The following INTS2 variants were observed in gnomAD, a reference collection of about 807,000 sequenced individuals.
The protein encoded by INTS2 is integrator complex subunit 2.
A neutral mutation model predicts 139.6 loss-of-function variants in INTS2; 57 were observed. That is an observed-to-expected ratio of 0.41 (90% CI 0.33 to 0.51). The LOEUF (loss-of-function observed/expected upper bound fraction) is 0.51, where lower values mean the gene tolerates loss of function less well. Ranked by LOEUF, INTS2 falls within the 20% of genes least tolerant of loss-of-function variation. The pLI is 0.28. For missense variants in INTS2, 1,196 were observed against 1,436.7 expected, an observed-to-expected ratio of 0.83 and a Z score of 2.71; for synonymous variants, 473 against 493.4, an observed-to-expected ratio of 0.96 and a Z score of 0.55.
At chr17:61,878,183 A>C in intron 17 of INTS2, 95 bp from the exon 18 acceptor site, 1 of 732,916 alleles carries the variant, frequency 1.4e-6, no homozygotes, top group Non-Finnish European at 2.3e-6. Context: ...CAAACAAATC[A>C]AGAAAACAAT....
intron 6 of INTS2, 75 bp downstream of exon 6, chr17:61,911,865 C>A: frequency 1.3e-6 from 2 of 1,524,424 alleles, no homozygotes; most frequent in Non-Finnish European, 1.8e-6. Context: ...CTCTACAGGA[C>A]TCTAAAACCA....
chr17:61,911,985 C>G lies in INTS2; in HGVS notation c.735G>C (p.Leu245Phe). The change falls in exon 6 of 25, where the codon TTG (leucine) becomes TTC (phenylalanine). Residue 245 changes from leucine (L) to phenylalanine (F), a missense_variant. By Grantham distance (22) the Leu-to-Phe change is conservative. This residue lies in a region of INTS2 where 1,129 missense variants were observed against 1,341.9 expected (regional missense o/e 0.84). Transcript: ENST00000251334. Reference sequence around the variant, plus strand: ...GGGCCTGAGAAGGATTCATTTTACACAAGAAGCGTAAGGCATCTGTCCTGC... The same window carrying G: ...GGGCCTGAGAAGGATTCATTTTACAGAAGAAGCGTAAGGCATCTGTCCTGC... ...GRRRTDALRFLCKMNPSQALK... is the reference protein window; with the variant it reads ...GRRRTDALRFFCKMNPSQALK... The G allele has an allele frequency of 6.2e-7, 1 of 1,613,784 alleles. No individual in the cohort carries two copies.
In INTS2 at chr17:61,893,312, T is replaced by C. The variant is rs1052053754; in HGVS notation, c.1698+453A>G. On this transcript the variant is annotated intron_variant, in intron 13 of 24. Transcript: ENST00000251334. This position sits in a 1 kb window ranked among gnomAD's most constrained non-coding sequence, Gnocchi z 5.4. ...ATAAATGACTAGTAACTTAGCTTAA[T>C]ACCACACATTTCCTACACAAAACCC... 2.6e-5 allele frequency among the ~76,000 whole-genome samples: 4 copies of C among 152,142 alleles called. No homozygotes were observed. The highest frequency in any genetic ancestry group is 5.9e-5 in the Non-Finnish European group (4 of 68,036).
intron 7 of INTS2, among the ~76,000 whole-genome samples, chr17:61,908,463 G>C (rs2079489658): frequency 6.6e-6 from 1 of 152,112 alleles, no homozygotes; most frequent in South Asian, 2.1e-4. Context: ...CAGTTCTTCA[G>C]GCAGGGACAA....
chr17:61,882,602 G>A lies in INTS2; in HGVS notation c.2090-1431C>T, dbSNP rs545256438. ...AAATTAGCCAGGCGTGGTGGCACAC[G>A]CCTGTAATCCTGGCTACTTGGGAGG... On this transcript the variant is annotated intron_variant, in intron 16 of 24. Transcript: ENST00000251334. The surrounding 1 kb of genome is among the most constrained non-coding windows in gnomAD (Gnocchi z 4.7). Among the ~76,000 whole-genome samples, 235 of 152,218 alleles carry A rather than the reference G, an allele frequency of 1.5e-3. 1 individual carries two copies. Among genetic ancestry groups the A allele is most frequent in the Middle Eastern group, 0.01 (3 of 294 alleles).
In INTS2 at chr17:61,866,389, G is replaced by A. The variant is rs994820852; in HGVS notation, c.*1168C>T. 2.6e-5 allele frequency: 4 copies of A among 151,574 alleles called. No homozygotes were observed. Among genetic ancestry groups the A allele is most frequent in the Admixed American group, 6.6e-5 (1 of 15,208 alleles). The allele number at this position is 151,574 out of a possible 1,614,324, so 9.4% of individuals were successfully genotyped here. On this transcript the variant is annotated 3_prime_UTR_variant, in exon 25 of 25. Transcript: ENST00000251334. Reference sequence around the variant, plus strand: ...AAAAAAAAAAAACACAAGTGAAGAGGTCTGTTTCAAGTGGGGGTGGGGAAG... The same window carrying A: ...AAAAAAAAAAAACACAAGTGAAGAGATCTGTTTCAAGTGGGGGTGGGGAAG...
Position 61,878,097 on chromosome 17 carries a change from A to G in INTS2, c.2255-9T>C. ...TGGGACAGCTGAAAATGCTAAAAAGAAAATTTAGCAATCATAACCTAAATT... is the reference window on the plus strand; with the variant it reads ...TGGGACAGCTGAAAATGCTAAAAAGGAAATTTAGCAATCATAACCTAAATT... On this transcript the variant is annotated splice_polypyrimidine_tract_variant and intron_variant, in intron 17 of 24. Coordinates refer to ENST00000251334, the MANE Select transcript of INTS2 (RefSeq NM_001351695.2). The G allele has an allele frequency of 1.3e-6, 2 of 1,556,830 alleles. No individual in the cohort carries two copies. Among genetic ancestry groups the G allele is most frequent in the Non-Finnish European group, 1.8e-6 (2 of 1,127,958 alleles).
chr17:61,897,520 G>A lies in INTS2; in HGVS notation c.1443C>T (p.Ser481=), dbSNP rs1349512407. Residue 481 remains serine, a synonymous_variant, in exon 11 of 25, where the codon AGC becomes AGT. Transcript: ENST00000251334. The surrounding 1 kb of genome is among the most constrained non-coding windows in gnomAD (Gnocchi z 4.4). ...AGTCAATGATAGCACTAAGCTGGTT[G>A]CTGTGAAAGTACATAGCCACCAATA... ...MLLLVAMYFH[S]NQLSAIIDLV... is the part of the protein sequence containing the mutation. The A allele has an allele frequency of 6.2e-7, 1 of 1,604,886 alleles. No individual in the cohort carries two copies. Among genetic ancestry groups the A allele is most frequent in the East Asian group, 2.2e-5 (1 of 44,682 alleles).
Position 61,875,486 on chromosome 17 carries a change from A to G in INTS2, c.2457-448T>C, listed in dbSNP as rs909861472. Among the ~76,000 whole-genome samples, 2 of 152,218 alleles carry G rather than the reference A, an allele frequency of 1.3e-5. No homozygotes were observed. The highest frequency in any genetic ancestry group is 1.9e-4 in the East Asian group (1 of 5,200). On this transcript the variant is annotated intron_variant, in intron 18 of 24. Transcript: ENST00000251334. This position sits in a 1 kb window ranked among gnomAD's most constrained non-coding sequence, Gnocchi z 4.6. The stretch of plus-strand genomic sequence containing the variant: ...GTCACTATTCTGGATTTATCATCAT[A>G]AAGTCTCCAAGTGAGATGCCACTTT...
Position 61,927,660 on chromosome 17 carries a change from A to T in INTS2, c.-25T>A. 5.0e-6 allele frequency: 7 copies of T among 1,404,132 alleles called. No homozygotes were observed. Among genetic ancestry groups the T allele is most frequent in the Non-Finnish European group, 6.5e-6 (7 of 1,081,306 alleles). 87.0% of individuals were successfully genotyped at this position (1,404,132 alleles called of 1,614,324 possible). A position where few individuals can be genotyped will look rare whatever the true frequency, so the allele number is the denominator to read the frequency against. ...AGAAGCGGACGCTTCATACCTTAAG[A>T]TCTACCCTCCAGCCTCACGGAACCG... is the stretch of plus-strand genomic sequence containing the variant. On this transcript the variant is annotated 5_prime_UTR_variant, in exon 1 of 25. Transcript: ENST00000251334.
chr17:61,885,108 A>C (rs1484039269), intron 15 of INTS2, 103 bp from the exon 16 acceptor site: 1 of 744,644 alleles, frequency 1.3e-6, no homozygotes, highest in Non-Finnish European at 2.2e-6. Flanking sequence ...ATTACTTTTA[A>C]TGCAATTAAC....
At chr17:61,892,676 G>C (rs2079307091) in intron 13 of INTS2, among the ~76,000 whole-genome samples, 2 of 151,870 alleles carry the variant, frequency 1.3e-5, no homozygotes, top group Non-Finnish European at 1.5e-5. Flanking sequence ...CAGGCACGGT[G>C]GTTCATGCCT....
chr17:61,924,003 A>G (rs1430498400), intron 3 of INTS2, among the ~76,000 whole-genome samples: 1 of 152,220 alleles, frequency 6.6e-6, no homozygotes, highest in East Asian at 1.9e-4. Flanking sequence ...TTTTAAATTC[A>G]GAGTTTCAAT....
chr17:61,892,953 CAAAAAAAAAAAA>C (rs58426330), intron 13 of INTS2, among the ~76,000 whole-genome samples: 1 of 44,150 alleles, frequency 2.3e-5, no homozygotes, highest in Non-Finnish European at 3.8e-5. Context: ...GACTCCATCT[CAAAAAAAAAAAA>C]AAAAAAAAAA....
Position 61,867,653 on chromosome 17 carries a change from G to A in INTS2, c.3495C>T (p.Ser1165=). The A allele has an allele frequency of 1.2e-6, 2 of 1,612,290 alleles. No homozygotes were observed. The highest frequency in any genetic ancestry group is 1.7e-6 in the Non-Finnish European group (2 of 1,178,618). Reference sequence around the variant, plus strand: ...CAGGATCCATGCTTCCAGTGTCCCTGGATCCATTTTTATAAGATGAATCTT... The same window carrying A: ...CAGGATCCATGCTTCCAGTGTCCCTAGATCCATTTTTATAAGATGAATCTT... The part of the protein sequence containing the change: ...ICKDSSYKNG[S]RDTGSMDPDV... Residue 1165 remains serine (S), a synonymous_variant, in exon 25 of 25, where the codon TCC becomes TCT. Coordinates refer to ENST00000251334, the MANE Select transcript of INTS2 (RefSeq NM_001351695.2). The surrounding 1 kb of genome is among the most constrained non-coding windows in gnomAD (Gnocchi z 5.6).
At chr17:61,886,941 TA>T (rs1419780869) in intron 15 of INTS2, among the ~76,000 whole-genome samples, 1 of 152,220 alleles carries the variant, frequency 6.6e-6, no homozygotes, top group Non-Finnish European at 1.5e-5. Flanking sequence ...ATCTCCCTTT[TA>T]AGTTAATAAA....
Position 61,889,797 on chromosome 17 carries a change from G to A in INTS2, c.1973C>T (p.Thr658Met), listed in dbSNP as rs768514053. 5.7e-6 allele frequency: 9 copies of A among 1,571,000 alleles called. No homozygotes were observed. The highest frequency in any genetic ancestry group is 6.1e-6 in the Non-Finnish European group (7 of 1,142,816). ...TACGTACAACTTACCTAAAGTCTTCGTGTTTGCTAGAAGAGCCTCTTCATA... is the reference window on the plus strand; with the variant it reads ...TACGTACAACTTACCTAAAGTCTTCATGTTTGCTAGAAGAGCCTCTTCATA... The part of the protein sequence containing the change: ...LSYEEALLAN[T>M]KTLAAMQRKP... Residue 658 changes from threonine (T) to methionine (M), a missense_variant, in exon 15 of 25, where the codon ACG (threonine) becomes ATG (methionine). By Grantham distance (81) the Thr-to-Met change is moderately conservative. Coordinates refer to ENST00000251334, the MANE Select transcript of INTS2 (RefSeq NM_001351695.2).
chr17:61,918,923 GTTTTTT>G (rs561665201), intron 5 of INTS2, among the ~76,000 whole-genome samples: 1 of 131,030 alleles, frequency 7.6e-6, no homozygotes, highest in Non-Finnish European at 1.6e-5. Context: ...GTTCCTTGGG[GTTTTTT>G]TTTTTTTTTT....
At chr17:61,891,373 G>C (rs2145927691) in intron 14 of INTS2, 140 bp downstream of exon 14, 1 of 672,946 alleles carries the variant, frequency 1.5e-6, no homozygotes, top group South Asian at 2.0e-5. Flanking sequence ...TTAATTTTTA[G>C]AGGTGATCTA....
Sources: allele counts gnomAD v4.1 joint callset (sites outside exome capture counted in the v4.1 genomes callset), GRCh38; gene constraint gnomAD v4.1.1; regional missense constraint gnomAD v4.1.1; non-coding constraint Gnocchi (gnomAD v3.1); transcripts MANE v1.5; gene names NCBI Gene and HGNC (gene_info 2026-07-23, HGNC 2026-07-21).